DMD: variants seen among roughly 807,000 people sequenced by gnomAD.
DMD encodes the protein mutant dystrophin.
A neutral mutation model predicts 330.1 loss-of-function variants in DMD; 63 were observed. That is an observed-to-expected ratio of 0.19 (90% confidence interval 0.16 to 0.24). The LOEUF is 0.24. Ranked by LOEUF, DMD falls within the 10% of genes least tolerant of loss-of-function variation. The probability of loss-of-function intolerance (pLI) is 1.00; values close to 1 mark genes in which losing one functional copy is unlikely to be tolerated. For missense variants in DMD, 3,344 were observed against 2,684.1 expected (o/e 1.25, Z -5.43); for synonymous variants, 1,223 against 959.8 (o/e 1.27, Z -5.07).
At chrX:32,391,518 C>G (rs2098002184) in intron 30 of DMD, among the ~76,000 whole-genome samples, 1 of 111,607 alleles carries the variant, frequency 9.0e-6, no homozygotes, top group Non-Finnish European at 1.9e-5. Context: ...ATTATAGAGG[C>G]AAATCAATTA....
At chrX:31,735,288 CTTCTT>C (rs970537795) in intron 51 of DMD, among the ~76,000 whole-genome samples, 1 of 111,506 alleles carries the variant, frequency 9.0e-6, no homozygotes, top group African/African-American at 3.3e-5. Flanking sequence ...TGGCTTCCTC[CTTCTT>C]TTCTTTCACA....
At chrX:31,222,392 C>CAAAAAAAAAAAAAAAAAAAAAAAA (rs57227723) in intron 64 of DMD, among the ~76,000 whole-genome samples, 3 of 20,622 alleles carry the variant, frequency 1.5e-4, no homozygotes, top group Non-Finnish European at 1.7e-4. Flanking sequence ...GACTCCATCT[C>CAAAAAAAAAAAAAAAAAAAAAAAA]AAAAAAAAAA....
At chrX:33,218,309 C>T (rs2052095253) in intron 1 of DMD, among the ~76,000 whole-genome samples, 1 of 111,159 alleles carries the variant, frequency 9.0e-6, no homozygotes, top group Non-Finnish European at 1.9e-5. Context: ...TTCTACTGTG[C>T]TTACCTGGTT....
At chrX:32,371,067 G>A (rs1257895433) in intron 34 of DMD, among the ~76,000 whole-genome samples, 1 of 111,042 alleles carries the variant, frequency 9.0e-6, no homozygotes, top group African/African-American at 3.3e-5. Flanking sequence ...TGATTTTGAT[G>A]TGCAACCAAT....
chrX:32,456,354 A>G (rs1033917985), intron 25 of DMD, among the ~76,000 whole-genome samples: 11 of 111,345 alleles, frequency 9.9e-5, no homozygotes, highest in Non-Finnish European at 1.9e-4. Context: ...TAGAAAAGGT[A>G]TAAATGTTAT....
intron 43 of DMD, among the ~76,000 whole-genome samples, chrX:32,246,800 G>C (rs985993590): frequency 9.1e-6 from 1 of 110,188 alleles, no homozygotes; most frequent in Admixed American, 9.8e-5. Flanking sequence ...CTGTGGGATC[G>C]GTGGTGATAT....
intron 7 of DMD, among the ~76,000 whole-genome samples, chrX:32,722,116 G>C (rs999702341): frequency 2.8e-5 from 3 of 108,573 alleles, no homozygotes; most frequent in African/African-American, 1.0e-4. Flanking sequence ...TTTTCCTCAA[G>C]ATTGTTCTGG....
At chrX:32,438,117 G>C (rs1353667452) in intron 29 of DMD, 124 bp downstream of exon 29, 3 of 721,019 alleles carry the variant, frequency 4.2e-6, no homozygotes, top group Middle Eastern at 3.4e-4. Flanking sequence ...TCTGGCATTG[G>C]ATTGTCTCTG....
At chrX:31,539,368 T>A (rs2073650913) in intron 55 of DMD, among the ~76,000 whole-genome samples, 1 of 112,178 alleles carries the variant, frequency 8.9e-6, no homozygotes, top group South Asian at 3.7e-4. Flanking sequence ...CTAGCCTACG[T>A]CCCTTCCTTC....
chrX:32,721,633 T>A (rs113668209), intron 7 of DMD, among the ~76,000 whole-genome samples: 70 of 111,236 alleles, frequency 6.3e-4, no homozygotes, highest in African/African-American at 2.2e-3. Context: ...TTTGCAAATA[T>A]CTACTCATAA....
chrX:33,017,719 C>T (rs1234816861), intron 2 of DMD, among the ~76,000 whole-genome samples: 1 of 111,206 alleles, frequency 9.0e-6, no homozygotes, highest in Admixed American at 9.6e-5. Flanking sequence ...ATAAAGGTTA[C>T]CAGATTCCCT....
At chrX:32,693,690 T>A (rs1291487914) in intron 9 of DMD, among the ~76,000 whole-genome samples, 1 of 112,077 alleles carries the variant, frequency 8.9e-6, no homozygotes, top group Non-Finnish European at 1.9e-5. Flanking sequence ...TCTCCCCGCG[T>A]CATCCTCCAA....
chrX:31,350,654 AG>A (rs1425747772), intron 60 of DMD, among the ~76,000 whole-genome samples: 4 of 89,521 alleles, frequency 4.5e-5, no homozygotes, highest in Non-Finnish European at 9.1e-5. Context: ...AGAGAGAGAG[AG>A]AGAGAAGAGA....
intron 60 of DMD, among the ~76,000 whole-genome samples, chrX:31,374,433 CAAT>C (rs1306498714): frequency 1.8e-5 from 2 of 109,987 alleles, no homozygotes; most frequent in Non-Finnish European, 3.8e-5. Context: ...AAATGTCCAA[CAAT>C]GATAGGCTGG....
intron 17 of DMD, among the ~76,000 whole-genome samples, chrX:32,538,978 C>T (rs1387851389): frequency 9.0e-6 from 1 of 111,078 alleles, no homozygotes; most frequent in Non-Finnish European, 1.9e-5. Flanking sequence ...GATACTGTTT[C>T]ATGCACTGCA....
intron 45 of DMD, among the ~76,000 whole-genome samples, chrX:31,961,740 G>GTTTTTTTTTTTT (rs59279553): frequency 6.6e-4 from 50 of 75,573 alleles, no homozygotes; most frequent in Non-Finnish European, 1.0e-3. Context: ...AAAGGAAGCG[G>GTTTTTTTTTTTT]TTTTTTTTTT....
intron 57 of DMD, among the ~76,000 whole-genome samples, chrX:31,480,838 A>C (rs1462178718): frequency 1.8e-5 from 2 of 111,702 alleles, no homozygotes; most frequent in African/African-American, 6.5e-5. Flanking sequence ...TATTTAACAT[A>C]TAATAGAAGA....
intron 1 of DMD, among the ~76,000 whole-genome samples, chrX:33,034,439 C>T (rs1160374305): frequency 9.0e-6 from 1 of 111,484 alleles, no homozygotes; most frequent in Non-Finnish European, 1.9e-5. Context: ...CCTCTGTTTC[C>T]TCACCTGTAG....
chrX:33,324,048 C>T (rs73190268), intron 1 of DMD, among the ~76,000 whole-genome samples: 17 of 111,187 alleles, frequency 1.5e-4, no homozygotes, highest in Non-Finnish European at 2.5e-4. Flanking sequence ...CTCAAATATA[C>T]TTCCCTGTCA....
Sources: allele counts gnomAD v4.1 joint callset (sites outside exome capture counted in the v4.1 genomes callset), GRCh38; gene constraint gnomAD v4.1.1; transcripts MANE v1.5; gene names NCBI Gene and HGNC (gene_info 2026-07-23, HGNC 2026-07-21).